DNAH11: variants seen among roughly 807,000 people sequenced by gnomAD.
The protein encoded by DNAH11 is axonemal beta dynein heavy chain 11.
In DNAH11, 442 loss-of-function variants were observed where a neutral mutation model predicts 526.0. The observed-to-expected ratio is 0.84, with a 90% confidence interval of 0.78 to 0.91. DNAH11 has a LOEUF of 0.91. Ranked by LOEUF, DNAH11 falls within the 40% of genes least tolerant of loss-of-function variation. The pLI, the probability that DNAH11 is intolerant of heterozygous loss-of-function variation, is 0.00. For missense variants in DNAH11, 6,989 were observed against 5,448.7 expected (o/e 1.28, Z -8.90); for synonymous variants, 2,461 against 1,935.9 (o/e 1.27, Z -7.12).
chr7:21,863,418 C>T (rs1410085548), intron 69 of DNAH11, among the ~76,000 whole-genome samples: 1 of 152,164 alleles, frequency 6.6e-6, no homozygotes, highest in Non-Finnish European at 1.5e-5. Context: ...CCATTTGCCT[C>T]CCAGGTTCAA....
intron 79 of DNAH11, among the ~76,000 whole-genome samples, chr7:21,895,603 C>T (rs962624206): frequency 1.3e-5 from 2 of 152,178 alleles, no homozygotes; most frequent in African/African-American, 4.8e-5. Context: ...GCTGTTGATT[C>T]CTGGCTTTTT....
At chr7:21,704,806 G>T (rs1267450900) in intron 38 of DNAH11, among the ~76,000 whole-genome samples, 178 bp downstream of exon 38, 1 of 152,176 alleles carries the variant, frequency 6.6e-6, no homozygotes, top group Admixed American at 6.5e-5. Context: ...CATTTAAGTA[G>T]CCCCTCTCCG....
intron 25 of DNAH11, among the ~76,000 whole-genome samples, chr7:21,621,634 G>C (rs1786061662): frequency 6.6e-6 from 1 of 151,842 alleles, no homozygotes. Flanking sequence ...AGGATCAAGT[G>C]GGCTTCATCC....
chr7:21,690,874 C>G lies in DNAH11; in HGVS notation c.6034C>G (p.Leu2012Val). 6.2e-7 allele frequency: 1 copy of G among 1,611,228 alleles called. No individual in the cohort carries two copies. The highest frequency in any genetic ancestry group is 8.5e-7 in the Non-Finnish European group (1 of 1,178,148). The part of the protein sequence containing the change: ...RTELPENLKA[L>V]FRPCAMVAPD... ...CGAATTACCGGAAAATCTCAAAGCT[C>G]TTTTCAGGCAAGTGTTATGCTTTGT... is the stretch of plus-strand genomic sequence containing the variant. The change falls in exon 35 of 82, where the codon CTT becomes GTT. Residue 2012 changes from leucine to valine, a missense_variant. Coordinates refer to ENST00000409508, the MANE Select transcript of DNAH11 (RefSeq NM_001277115.2).
At chr7:21,832,442 T>A (rs1194578001) in intron 65 of DNAH11, among the ~76,000 whole-genome samples, 1 of 152,234 alleles carries the variant, frequency 6.6e-6, no homozygotes, top group African/African-American at 2.4e-5. Context: ...TTTGGCTGGC[T>A]TTCCATTTGC....
intron 39 of DNAH11, among the ~76,000 whole-genome samples, chr7:21,707,357 T>G (rs561016641): frequency 6.6e-6 from 1 of 152,234 alleles, no homozygotes; most frequent in Non-Finnish European, 1.5e-5. Flanking sequence ...TCTTGCTGAT[T>G]CAGGCAGGGT....
In DNAH11 at chr7:21,546,556, T is replaced by C. The variant is rs577021665; in HGVS notation, c.495+1407T>C. Among the ~76,000 whole-genome samples the C allele has an allele frequency of 4.6e-5, 7 of 152,338 alleles. No individual in the cohort carries two copies. The East Asian group carries it at 7.7e-4, about 17-fold the overall frequency. The stretch of plus-strand genomic sequence containing the variant: ...GATACAAGCCTTTTTCAAATTTCTC[T>C]ACTCTTTCTCTCAGTACCAGGATCT... On this transcript the variant is annotated intron_variant, in intron 2 of 81. Transcript: ENST00000409508.
chr7:21,901,292 A>G lies in DNAH11; in HGVS notation c.*38A>G. 3 of 1,561,548 alleles carry G rather than the reference A, an allele frequency of 1.9e-6. No homozygotes were observed. The highest frequency in any genetic ancestry group is 1.4e-5 in the African/African-American group (1 of 73,342). ...ATTCCTCTAGCCTCTGCTGGAGTGCAGTGAGGATTTTCTAGCATGTTGCTG... is the reference window on the plus strand; with the variant it reads ...ATTCCTCTAGCCTCTGCTGGAGTGCGGTGAGGATTTTCTAGCATGTTGCTG... On this transcript the variant is annotated 3_prime_UTR_variant, in exon 82 of 82. Coordinates refer to ENST00000409508, the MANE Select transcript of DNAH11 (RefSeq NM_001277115.2).
chr7:21,772,790 G>A lies in DNAH11; in HGVS notation c.9103-976G>A, dbSNP rs145366619. On this transcript the variant is annotated intron_variant, in intron 55 of 81. Coordinates refer to ENST00000409508, the MANE Select transcript of DNAH11 (RefSeq NM_001277115.2). The stretch of plus-strand genomic sequence containing the variant: ...TTGTCGTGATGTTGGAAAGTTGATT[G>A]TTTAAAGACATTGTTCAGGAGCAGT... 1.0e-3 allele frequency among the ~76,000 whole-genome samples: 155 copies of A among 152,288 alleles called. 2 individuals are homozygous for A. The East Asian group carries it at 0.028, about 27-fold the overall frequency.
At chr7:21,826,990 T>C (rs1790327020) in intron 65 of DNAH11, among the ~76,000 whole-genome samples, 1 of 152,254 alleles carries the variant, frequency 6.6e-6, no homozygotes. Flanking sequence ...ATAATTGGAA[T>C]GTTGTGGAGT....
chr7:21,900,114 A>ATGGAGGGTAAG lies in DNAH11; in HGVS notation c.13298_13303+5dup. On this transcript the variant is annotated frameshift_variant, in exon 81 of 82. Transcript: ENST00000409508. LOFTEE classifies it high-confidence loss of function. ...AGGTGCATACCTCCACGGACTCTTC[A>ATGGAGGGTAAG]TGGAGGGTAAGACACCCCAAGGGGT... is the stretch of plus-strand genomic sequence containing the variant. 5 of 1,612,864 alleles carry ATGGAGGGTAAG rather than the reference A, an allele frequency of 3.1e-6. No homozygotes were observed. The highest frequency in any genetic ancestry group is 4.2e-6 in the Non-Finnish European group (5 of 1,179,298).
chr7:21,710,447 A>G, intron 40 of DNAH11, 106 bp from the exon 41 acceptor site: 6 of 983,612 alleles, frequency 6.1e-6, no homozygotes, highest in Non-Finnish European at 8.9e-6. Context: ...TGCCCGCAAG[A>G]AAGAGGCAGC....
At chr7:21,663,278 A>G (rs575901860) in intron 30 of DNAH11, among the ~76,000 whole-genome samples, 39 of 152,204 alleles carry the variant, frequency 2.6e-4, no homozygotes, top group African/African-American at 6.7e-4. Flanking sequence ...TAGTGTTGCA[A>G]TAAACATAGG....
At chr7:21,778,332 AT>A (rs1488907394) in intron 56 of DNAH11, among the ~76,000 whole-genome samples, 1 of 152,158 alleles carries the variant, frequency 6.6e-6, no homozygotes, top group East Asian at 1.9e-4. Context: ...CAGCATACTA[AT>A]ACCCCAAACA....
chr7:21,615,339 C>A, intron 21 of DNAH11, 67 bp downstream of exon 21: 2 of 1,551,380 alleles, frequency 1.3e-6, no homozygotes, highest in African/African-American at 1.4e-5. Flanking sequence ...GTTTGTGGAG[C>A]CTATATTATT....
At chr7:21,845,105 C>G (rs1186175798) in intron 66 of DNAH11, among the ~76,000 whole-genome samples, 1 of 151,866 alleles carries the variant, frequency 6.6e-6, no homozygotes, top group Non-Finnish European at 1.5e-5. Flanking sequence ...TGCAGGAGTT[C>G]TTGTATTCTG....
Position 21,545,087 on chromosome 7 carries a change from G to A in DNAH11, c.433G>A (p.Val145Met). Residue 145 changes from valine (V) to methionine (M), a missense_variant, in exon 2 of 82, where the codon GTG becomes ATG. Transcript: ENST00000409508. Reference protein sequence around the residue: ...ESIGVNDFSQVVLFGELPALS... With the variant: ...ESIGVNDFSQMVLFGELPALS... Reference sequence around the variant, plus strand: ...CATTGGAGTAAATGACTTTTCTCAAGTGGTTTTATTTGGAGAGTTACCTGC... The same window carrying A: ...CATTGGAGTAAATGACTTTTCTCAAATGGTTTTATTTGGAGAGTTACCTGC... 2 of 1,609,526 alleles carry A rather than the reference G, an allele frequency of 1.2e-6. No homozygotes were observed. The highest frequency in any genetic ancestry group is 2.7e-5 in the African/African-American group (2 of 74,952).
intron 53 of DNAH11, 107 bp downstream of exon 53, chr7:21,749,908 C>T (rs1303468755): frequency 2.3e-5 from 36 of 1,533,986 alleles, no homozygotes; most frequent in Non-Finnish European, 3.0e-5. Flanking sequence ...GTTTGCTGGG[C>T]AGTCTTTGGG....
intron 68 of DNAH11, among the ~76,000 whole-genome samples, chr7:21,860,585 T>C (rs893922913): frequency 6.6e-5 from 10 of 152,224 alleles, no homozygotes; most frequent in African/African-American, 2.2e-4. Context: ...AAATGTTGTA[T>C]ATCCGTGCAG....
Sources: allele counts gnomAD v4.1 joint callset (sites outside exome capture counted in the v4.1 genomes callset), GRCh38; gene constraint gnomAD v4.1.1; transcripts MANE v1.5; gene names NCBI Gene and HGNC (gene_info 2026-07-23, HGNC 2026-07-21).